The following ARHGAP15 variants were observed in gnomAD, a reference collection of about 807,000 sequenced individuals.
ARHGAP15 encodes rho GTPase-activating protein 15.
ARHGAP15 carries 51 observed loss-of-function variants against 63.7 expected under a neutral mutation model. That is an observed-to-expected ratio of 0.80 (90% CI 0.64 to 1.01). The LOEUF (loss-of-function observed/expected upper bound fraction) is 1.01. ARHGAP15 is among the 50% of genes least tolerant of loss of function. ARHGAP15 has a pLI of 0.00. For missense variants in ARHGAP15, 560 were observed against 564.6 expected, an observed-to-expected ratio of 0.99 and a Z score of 0.08; for synonymous variants, 191 against 193.8, an observed-to-expected ratio of 0.99 and a Z score of 0.12.
intron 8 of ARHGAP15, among the ~76,000 whole-genome samples, chr2:143,474,538 T>C (rs1314250916): frequency 1.1e-4 from 16 of 152,230 alleles, no homozygotes. Context: ...TTCTGGAACA[T>C]TCTTCTGGAT....
chr2:143,494,607 G>T (rs1352879278), intron 9 of ARHGAP15, among the ~76,000 whole-genome samples: 1 of 151,788 alleles, frequency 6.6e-6, no homozygotes, highest in African/African-American at 2.4e-5. Context: ...TTCATCTATG[G>T]TCCTTTTCTT....
intron 12 of ARHGAP15, among the ~76,000 whole-genome samples, chr2:143,662,490 C>T (rs955441950): frequency 1.9e-4 from 27 of 144,352 alleles, no homozygotes; most frequent in African/African-American, 5.7e-4. Flanking sequence ...AAACTGGAAA[C>T]TCTAAAACGC....
chr2:143,318,687 T>G (rs1683848754), intron 6 of ARHGAP15, among the ~76,000 whole-genome samples: 1 of 152,064 alleles, frequency 6.6e-6, no homozygotes, highest in Admixed American at 6.6e-5. Flanking sequence ...ATGAGAATAT[T>G]AAAATCGACC....
At chr2:143,361,873 A>G (rs1432948490) in intron 6 of ARHGAP15, among the ~76,000 whole-genome samples, 3 of 152,152 alleles carry the variant, frequency 2.0e-5, no homozygotes, top group African/African-American at 7.2e-5. Flanking sequence ...CACTGTTAAT[A>G]ATTTCTCTAT....
At chr2:143,208,665 T>A (rs532705156) in intron 3 of ARHGAP15, among the ~76,000 whole-genome samples, 3 of 152,184 alleles carry the variant, frequency 2.0e-5, no homozygotes, top group Non-Finnish European at 4.4e-5. Context: ...GTTTTGTACA[T>A]GAATCATCAA....
intron 6 of ARHGAP15, among the ~76,000 whole-genome samples, chr2:143,339,965 C>T (rs1378131718): frequency 6.6e-6 from 1 of 152,114 alleles, no homozygotes. Context: ...ACAAACCAGT[C>T]ATTTTATTCC....
At chr2:143,734,087 G>A (rs1030073047) in intron 13 of ARHGAP15, among the ~76,000 whole-genome samples, 1 of 152,124 alleles carries the variant, frequency 6.6e-6, no homozygotes, top group Non-Finnish European at 1.5e-5. Context: ...AGTCTAGCAG[G>A]TGAGGGCCTT....
chr2:143,234,020 T>A lies in ARHGAP15; in HGVS notation c.384+5352T>A, dbSNP rs186997376. 7.2e-5 allele frequency among the ~76,000 whole-genome samples: 11 copies of A among 152,146 alleles called. 1 individual carries two copies. Among genetic ancestry groups the A allele is most frequent in the Non-Finnish European group, 1.2e-4 (8 of 68,020 alleles). ...CCTTCTAAACCTTCAGTTAAACCCA[T>A]GTTAAATTTCTCACTGTATTCTCTA... On this transcript the variant is annotated intron_variant, in intron 5 of 13. Coordinates refer to ENST00000295095, the MANE Select transcript of ARHGAP15 (RefSeq NM_018460.4).
chr2:143,396,644 A>G (rs1481135459), intron 6 of ARHGAP15, among the ~76,000 whole-genome samples: 1 of 150,954 alleles, frequency 6.6e-6, no homozygotes, highest in African/African-American at 2.4e-5. Flanking sequence ...CTAAACGGGT[A>G]TCTCCAGCTT....
intron 6 of ARHGAP15, among the ~76,000 whole-genome samples, chr2:143,329,898 G>GC (rs1291187800): frequency 7.4e-6 from 1 of 134,860 alleles, no homozygotes; most frequent in African/African-American, 2.8e-5. Flanking sequence ...TAAGAAAATT[G>GC]CCCCCCTGCC....
chr2:143,397,455 C>T (rs530725815), intron 6 of ARHGAP15, among the ~76,000 whole-genome samples: 12 of 150,874 alleles, frequency 8.0e-5, no homozygotes, highest in African/African-American at 2.9e-4. Context: ...TTAAAAATTG[C>T]TTATTAAAAA....
intron 6 of ARHGAP15, among the ~76,000 whole-genome samples, chr2:143,318,384 A>T (rs960997376): frequency 6.6e-6 from 1 of 151,970 alleles, no homozygotes; most frequent in African/African-American, 2.4e-5. Context: ...GTGATTATGG[A>T]TATTATCATT....
intron 12 of ARHGAP15, among the ~76,000 whole-genome samples, chr2:143,630,584 T>A (rs1188049024): frequency 6.6e-6 from 1 of 152,136 alleles, no homozygotes; most frequent in African/African-American, 2.4e-5. Flanking sequence ...TTATCAACTA[T>A]GGATAATATC....
At chr2:143,479,227 T>A (rs924741437) in intron 8 of ARHGAP15, among the ~76,000 whole-genome samples, 9 of 152,218 alleles carry the variant, frequency 5.9e-5, no homozygotes, top group African/African-American at 2.2e-4. Flanking sequence ...TATGCATGTG[T>A]TTTATTCTCC....
intron 13 of ARHGAP15, among the ~76,000 whole-genome samples, chr2:143,727,628 T>C (rs1056011362): frequency 6.6e-6 from 1 of 152,194 alleles, no homozygotes; most frequent in African/African-American, 2.4e-5. Flanking sequence ...TCAGCTCTCA[T>C]GTTGGTAAGG....
intron 12 of ARHGAP15, among the ~76,000 whole-genome samples, chr2:143,656,623 T>C (rs889768678): frequency 1.3e-5 from 2 of 152,196 alleles, no homozygotes; most frequent in Non-Finnish European, 2.9e-5. Context: ...AACTCTCCAG[T>C]GGTAGAAAAC....
intron 6 of ARHGAP15, among the ~76,000 whole-genome samples, chr2:143,381,697 ATCC>A (rs1687060275): frequency 6.6e-6 from 1 of 152,100 alleles, no homozygotes; most frequent in African/African-American, 2.4e-5. Context: ...GACTATGACC[ATCC>A]TCTTGTGTCT....
chr2:143,153,873 T>TCCTCCTCC (rs1689967986), intron 1 of ARHGAP15, among the ~76,000 whole-genome samples: 6 of 46,840 alleles, frequency 1.3e-4, no homozygotes, highest in East Asian at 6.5e-4. Flanking sequence ...CCTCCTCCTC[T>TCCTCCTCC]TCCTCCTCCT....
intron 1 of ARHGAP15, among the ~76,000 whole-genome samples, chr2:143,135,794 G>T (rs1181216320): frequency 1.3e-5 from 2 of 151,984 alleles, no homozygotes; most frequent in Non-Finnish European, 2.9e-5. Flanking sequence ...TCATCATCTA[G>T]CTCTCTAAAT....
Sources: allele counts gnomAD v4.1 joint callset (sites outside exome capture counted in the v4.1 genomes callset), GRCh38; gene constraint gnomAD v4.1.1; transcripts MANE v1.5; gene names NCBI Gene and HGNC (gene_info 2026-07-23, HGNC 2026-07-21).